SERGEF: variants seen among roughly 807,000 people sequenced by gnomAD.
The protein encoded by SERGEF is secretion-regulating guanine nucleotide exchange factor.
Under a neutral mutation model 50.0 loss-of-function variants are expected in SERGEF, and 51 were observed. That is an observed-to-expected ratio of 1.02 (90% confidence interval 0.81 to 1.29). The LOEUF is 1.29. Ranked by LOEUF, SERGEF falls within the 50% of genes most tolerant of loss-of-function variation. The pLI, the probability that SERGEF is intolerant of heterozygous loss-of-function variation, is 0.00. For synonymous variants in SERGEF, 205 were observed against 212.4 expected, an observed-to-expected ratio of 0.97 and a Z score of 0.30; for missense variants, 521 against 557.0, an observed-to-expected ratio of 0.94 and a Z score of 0.65.
At chr11:17,933,139 A>G (rs1852386487) in intron 9 of SERGEF, among the ~76,000 whole-genome samples, 1 of 152,210 alleles carries the variant, frequency 6.6e-6, no homozygotes, top group African/African-American at 2.4e-5. Context: ...CAGCTGTACT[A>G]TAACAGCAAA....
intron 8 of SERGEF, among the ~76,000 whole-genome samples, chr11:17,986,510 C>G (rs1853599380): frequency 6.6e-6 from 1 of 152,246 alleles, no homozygotes; most frequent in African/African-American, 2.4e-5. Flanking sequence ...TCCAGAGCAG[C>G]TGGGGTGACT....
intron 10 of SERGEF, among the ~76,000 whole-genome samples, chr11:17,870,011 T>G (rs1851107482): frequency 6.6e-6 from 1 of 152,204 alleles, no homozygotes; most frequent in African/African-American, 2.4e-5. Context: ...GGTAATTGAA[T>G]CAGGGGGGCA....
chr11:17,856,393 C>T lies in SERGEF; in HGVS notation c.1048+21815G>A, dbSNP rs889443871. ...ACCCTTTAGATCCTGAATTCATCAT[C>T]CTTTGTGTAATAAATTCCCAGTTTT... On this transcript the variant is annotated intron_variant, in intron 10 of 10. Coordinates refer to ENST00000265965, the MANE Select transcript of SERGEF (RefSeq NM_012139.4). The T allele has an allele frequency of 3.9e-5, 6 of 152,186 alleles. No individual in the cohort carries two copies. The East Asian group carries it at 5.8e-4, about 15-fold the overall frequency. 9.4% of individuals were successfully genotyped at this position (152,186 alleles called of 1,614,324 possible). A position where few individuals can be genotyped will look rare whatever the true frequency, so the allele number is the denominator to read the frequency against.
At chr11:17,832,845 A>G (rs1472411842) in intron 10 of SERGEF, among the ~76,000 whole-genome samples, 1 of 152,200 alleles carries the variant, frequency 6.6e-6, no homozygotes, top group African/African-American at 2.4e-5. Context: ...GAGATGATTT[A>G]GGGTATCTGG....
intron 10 of SERGEF, 45 bp from the exon 11 acceptor site, chr11:17,788,458 T>C (rs1436791129): frequency 2.7e-6 from 4 of 1,505,930 alleles, no homozygotes; most frequent in South Asian, 1.3e-5. Context: ...TTTTGGATAA[T>C]AGGGCTGAAA....
At position 17,884,224 on chromosome 11, in the gene SERGEF, T is replaced by C. The variant is rs1851388468; in HGVS notation, c.1012-5980A>G. Among the ~76,000 whole-genome samples, 1 of 152,186 alleles carries C rather than the reference T, an allele frequency of 6.6e-6. No homozygotes were observed. The highest frequency in any genetic ancestry group is 2.4e-5 in the African/African-American group (1 of 41,446). ...GAGGCGTACGTGCGGAAACACATGA[T>C]GGCCAGGGTGGAAGGGGAGTAACGG... On this transcript the variant is annotated intron_variant, in intron 9 of 10. Coordinates refer to ENST00000265965, the MANE Select transcript of SERGEF (RefSeq NM_012139.4). This position sits in a 1 kb window ranked among gnomAD's most constrained non-coding sequence, Gnocchi z 4.6.
intron 9 of SERGEF, among the ~76,000 whole-genome samples, chr11:17,934,084 A>T (rs1253647019): frequency 1.3e-5 from 2 of 151,230 alleles, no homozygotes; most frequent in African/African-American, 4.9e-5. Flanking sequence ...ATTGAATAAT[A>T]AAAAAAACTA....
At chr11:18,009,994 A>C (rs974310799) in intron 1 of SERGEF, 8 of 563,328 alleles carry the variant, frequency 1.4e-5, no homozygotes, top group Admixed American at 1.1e-4. Context: ...TGTATTCAGA[A>C]TTGAAGACAA....
rs1400938393 is a variant in SERGEF at position 18,001,838 on chromosome 11, T to C, written c.448-1281A>G. 1.3e-5 allele frequency: 4 copies of C among 308,340 alleles called. No individual in the cohort carries two copies. The East Asian group carries it at 3.5e-4, about 27-fold the overall frequency. 19.1% of individuals were successfully genotyped at this position (308,340 alleles called of 1,614,324 possible). A position where few individuals can be genotyped will look rare whatever the true frequency, so the allele number is the denominator to read the frequency against. On this transcript the variant is annotated intron_variant, in intron 4 of 10. Coordinates refer to ENST00000265965, the MANE Select transcript of SERGEF (RefSeq NM_012139.4). ...ATCTTTCTCTTTTAAAGGAACTCTATAGCATAATCATAACCCCATTAAGGC... is the reference window on the plus strand; with the variant it reads ...ATCTTTCTCTTTTAAAGGAACTCTACAGCATAATCATAACCCCATTAAGGC...
intron 10 of SERGEF, among the ~76,000 whole-genome samples, chr11:17,840,781 C>T (rs1850487513): frequency 6.6e-6 from 1 of 152,218 alleles, no homozygotes; most frequent in Non-Finnish European, 1.5e-5. Flanking sequence ...ATTTAGTATT[C>T]TCTAAAATCA....
At chr11:17,862,070 G>A (rs942548942) in intron 10 of SERGEF, among the ~76,000 whole-genome samples, 3 of 152,072 alleles carry the variant, frequency 2.0e-5, no homozygotes, top group South Asian at 2.1e-4. Flanking sequence ...CGATCTGAAC[G>A]TAGCCATCAC....
chr11:17,821,409 C>T (rs146290328), intron 10 of SERGEF, among the ~76,000 whole-genome samples: 101 of 152,266 alleles, frequency 6.6e-4, no homozygotes, highest in African/African-American at 2.2e-3. Context: ...AACTACGTTA[C>T]AAGAATGCAA....
At chr11:17,869,242 T>C (rs112150995) in intron 10 of SERGEF, among the ~76,000 whole-genome samples, 186 of 152,112 alleles carry the variant, frequency 1.2e-3, no homozygotes, top group African/African-American at 4.3e-3. Context: ...AAATAAAAGG[T>C]TGCATGACAA....
chr11:17,954,831 C>A (rs184009950), intron 9 of SERGEF, among the ~76,000 whole-genome samples: 272 of 152,304 alleles, frequency 1.8e-3, no homozygotes, highest in African/African-American at 6.3e-3. Flanking sequence ...CTTAGAAACA[C>A]TGGGAGTCAA....
intron 10 of SERGEF, among the ~76,000 whole-genome samples, chr11:17,828,818 A>T (rs552744081): frequency 6.6e-6 from 1 of 152,112 alleles, no homozygotes; most frequent in African/African-American, 2.4e-5. Flanking sequence ...TAAATACGAC[A>T]TTCAACCCCT....
At chr11:17,926,910 C>T (rs1453498528) in intron 9 of SERGEF, 1 of 453,596 alleles carries the variant, frequency 2.2e-6, no homozygotes, top group Non-Finnish European at 4.4e-6. Context: ...TGGTCTAGAT[C>T]ACTGCAGACT....
chr11:17,816,900 C>T (rs923698757), intron 10 of SERGEF, among the ~76,000 whole-genome samples: 1 of 152,194 alleles, frequency 6.6e-6, no homozygotes, highest in Non-Finnish European at 1.5e-5. Flanking sequence ...CAGATCAGAT[C>T]TCAACCCTCT....
intron 5 of SERGEF, among the ~76,000 whole-genome samples, chr11:17,996,670 T>A (rs553711934): frequency 1.5e-3 from 231 of 152,130 alleles, no homozygotes; most frequent in African/African-American, 5.3e-3. Context: ...CCTTTGGGAG[T>A]ATCCTATAAA....
At chr11:17,955,893 G>C (rs988393961) in intron 9 of SERGEF, among the ~76,000 whole-genome samples, 1 of 152,172 alleles carries the variant, frequency 6.6e-6, no homozygotes, top group African/African-American at 2.4e-5. Context: ...TAGCAGCTAG[G>C]GATTAGAGAC....
Sources: allele counts gnomAD v4.1 joint callset (sites outside exome capture counted in the v4.1 genomes callset), GRCh38; gene constraint gnomAD v4.1.1; non-coding constraint Gnocchi (gnomAD v3.1); transcripts MANE v1.5; gene names NCBI Gene and HGNC (gene_info 2026-07-23, HGNC 2026-07-21).